Variants in NRXN3 observed in about 807,000 individuals in gnomAD.
The protein encoded by NRXN3 is neurexin 3.
Under a neutral mutation model 137.6 loss-of-function variants are expected in NRXN3, and 32 were observed. The ratio of observed to expected loss-of-function variants is 0.23; its 90% confidence interval spans 0.18 to 0.31. The LOEUF (loss-of-function observed/expected upper bound fraction) is 0.31, where lower values mean the gene tolerates loss of function less well. Among genes scored for constraint, NRXN3 ranks in the 10% least tolerant of loss-of-function variants. The pLI is 1.00. For missense variants in NRXN3, 1,574 were observed against 2,062.5 expected (o/e 0.76, Z 4.59); for synonymous variants, 798 against 784.5 (o/e 1.02, Z -0.29).
At chr14:78,831,091 T>C (rs2098980267) in intron 10 of NRXN3, among the ~76,000 whole-genome samples, 2 of 152,198 alleles carry the variant, frequency 1.3e-5, no homozygotes, top group African/African-American at 4.8e-5. Context: ...AGTGACTTGC[T>C]ACATTCTTAT....
intron 16 of NRXN3, among the ~76,000 whole-genome samples, chr14:79,638,700 T>C (rs1351594659): frequency 6.6e-6 from 1 of 152,204 alleles, no homozygotes; most frequent in Non-Finnish European, 1.5e-5. Flanking sequence ...TATCAATGAC[T>C]CTTAAAATCA....
intron 1 of NRXN3, among the ~76,000 whole-genome samples, chr14:78,241,045 C>T (rs758125608): frequency 7.2e-5 from 11 of 152,136 alleles, no homozygotes; most frequent in Non-Finnish European, 1.6e-4. Context: ...AACCAGACTG[C>T]GTGCTGGTGC....
chr14:79,034,590 T>C lies in NRXN3; in HGVS notation c.3262+46449T>C, dbSNP rs188843238. 1.3e-3 allele frequency among the ~76,000 whole-genome samples: 205 copies of C among 152,174 alleles called. 1 individual carries two copies. The Middle Eastern group carries it at 0.014, about 10-fold the overall frequency. On this transcript the variant is annotated intron_variant, in intron 15 of 20. Coordinates refer to ENST00000335750, the MANE Select transcript of NRXN3 (RefSeq NM_001330195.2). Reference sequence around the variant, plus strand: ...AGAAAGACTGAAAGCAGGTGTAAAATCTAAAGTACTAGGAAAAACAAGGTG... The same window carrying C: ...AGAAAGACTGAAAGCAGGTGTAAAACCTAAAGTACTAGGAAAAACAAGGTG...
At chr14:79,196,673 C>A (rs1373316212) in intron 15 of NRXN3, among the ~76,000 whole-genome samples, 1 of 150,814 alleles carries the variant, frequency 6.6e-6, no homozygotes, top group African/African-American at 2.4e-5. Flanking sequence ...ATTTTTTTTT[C>A]CTTTTCAGTG....
At chr14:79,640,802 T>C (rs908220992) in intron 16 of NRXN3, among the ~76,000 whole-genome samples, 1 of 135,220 alleles carries the variant, frequency 7.4e-6, no homozygotes, top group East Asian at 2.0e-4. Context: ...ATTATCCTGA[T>C]GTAAAGGAAA....
intron 6 of NRXN3, among the ~76,000 whole-genome samples, chr14:78,685,674 C>T (rs1222945050): frequency 1.3e-5 from 2 of 149,078 alleles, no homozygotes; most frequent in Non-Finnish European, 3.0e-5. Flanking sequence ...CTCTTGTTGC[C>T]CAGGATGGAG....
intron 6 of NRXN3, among the ~76,000 whole-genome samples, chr14:78,652,220 G>T (rs1364145028): frequency 6.6e-6 from 1 of 152,182 alleles, no homozygotes; most frequent in African/African-American, 2.4e-5. Flanking sequence ...TGACATTAAG[G>T]CTCAGAAGAC....
rs760646262 is a variant in NRXN3 at position 78,967,349 on chromosome 14, C to T, written c.2919C>T (p.Thr973=). The T allele has an allele frequency of 6.2e-7, 1 of 1,613,858 alleles. No individual in the cohort carries two copies. Among genetic ancestry groups the T allele is most frequent in the South Asian group, 1.1e-5 (1 of 91,068 alleles). The change falls in exon 13 of 21, where the codon ACC becomes ACT. Residue 973 remains threonine (T), a synonymous_variant. Coordinates refer to ENST00000335750, the MANE Select transcript of NRXN3 (RefSeq NM_001330195.2). ...ACACTCATAGCCTGAAAGTGGACAC[C>T]AAAGTGGTCACTCAGGTTATCAATG... ...NSNTHSLKVD[T]KVVTQVINGA...
In NRXN3 at chr14:78,967,331, T is replaced by C. The variant is rs761459841; in HGVS notation, c.2901T>C (p.His967=). The change falls in exon 13 of 21, where the codon CAT becomes CAC. Residue 967 remains histidine, a synonymous_variant. Coordinates refer to ENST00000335750, the MANE Select transcript of NRXN3 (RefSeq NM_001330195.2). ...TCACTCGGGACAATAGTAACACTCA[T>C]AGCCTGAAAGTGGACACCAAAGTGG... ...VVITRDNSNT[H]SLKVDTKVVT... 8 of 1,613,938 alleles carry C rather than the reference T, an allele frequency of 5.0e-6. No individual in the cohort carries two copies. Among genetic ancestry groups the C allele is most frequent in the East Asian group, 4.5e-5 (2 of 44,882 alleles).
chr14:78,484,027 C>CAG (rs144035954), intron 4 of NRXN3, among the ~76,000 whole-genome samples: 174 of 137,134 alleles, frequency 1.3e-3, no homozygotes, highest in African/African-American at 3.0e-3. Flanking sequence ...CACACACACA[C>CAG]AGAGAGAGAG....
chr14:78,955,241 G>GT (rs1480194205), intron 10 of NRXN3, among the ~76,000 whole-genome samples: 1 of 152,132 alleles, frequency 6.6e-6, no homozygotes, highest in Non-Finnish European at 1.5e-5. Context: ...AGACAGATTT[G>GT]TTTTTTCTGA....
chr14:78,671,418 G>T (rs145694320), intron 6 of NRXN3, among the ~76,000 whole-genome samples: 4 of 152,254 alleles, frequency 2.6e-5, no homozygotes, highest in African/African-American at 9.6e-5. Context: ...TTTTAAAAAT[G>T]TATTTATTAA....
intron 9 of NRXN3, among the ~76,000 whole-genome samples, chr14:78,805,616 A>G (rs2098860657): frequency 2.0e-5 from 3 of 147,606 alleles, no homozygotes; most frequent in African/African-American, 5.3e-5. Flanking sequence ...AAAAAAAAAC[A>G]GAACCAAATA....
chr14:78,563,675 C>T (rs2096808955), intron 4 of NRXN3, among the ~76,000 whole-genome samples: 1 of 152,182 alleles, frequency 6.6e-6, no homozygotes, highest in African/African-American at 2.4e-5. Flanking sequence ...GTGTCTAGCC[C>T]ATCCACCTTC....
chr14:78,848,540 T>C lies in NRXN3; in HGVS notation c.2275+38196T>C, dbSNP rs114639375. On this transcript the variant is annotated intron_variant, in intron 10 of 20. Transcript: ENST00000335750. ...AATTAGTTGGAGAGTTTTAGAATAC[T>C]TTATTTATTCCAGCTTGTACATGAA... is the stretch of plus-strand genomic sequence containing the variant. Among the ~76,000 whole-genome samples, 887 of 152,294 alleles carry C rather than the reference T, an allele frequency of 5.8e-3. 7 individuals carry two copies. Among genetic ancestry groups the C allele is most frequent in the African/African-American group, 0.02 (852 of 41,568 alleles).
intron 4 of NRXN3, among the ~76,000 whole-genome samples, chr14:78,464,109 A>G (rs907822085): frequency 1.3e-5 from 2 of 148,436 alleles, no homozygotes; most frequent in African/African-American, 2.5e-5. Context: ...CTGGAGTGCA[A>G]TGGTATGATC....
At chr14:79,600,938 G>A (rs963090865) in intron 16 of NRXN3, among the ~76,000 whole-genome samples, 1 of 151,558 alleles carries the variant, frequency 6.6e-6, no homozygotes, top group African/African-American at 2.4e-5. Flanking sequence ...AGAAAGGGAA[G>A]GAAGGAAGGA....
At chr14:78,766,981 T>C (rs1314180538) in intron 8 of NRXN3, among the ~76,000 whole-genome samples, 1 of 152,222 alleles carries the variant, frequency 6.6e-6, no homozygotes, top group Non-Finnish European at 1.5e-5. Context: ...TAATTCCCTA[T>C]GCTAGTTTTC....
At chr14:79,644,202 G>A (rs1418371845) in intron 16 of NRXN3, among the ~76,000 whole-genome samples, 1 of 135,994 alleles carries the variant, frequency 7.4e-6, no homozygotes, top group African/African-American at 2.4e-5. Context: ...TTTATCTGAT[G>A]TGTAATGGCT....
Sources: allele counts gnomAD v4.1 joint callset (sites outside exome capture counted in the v4.1 genomes callset), GRCh38; gene constraint gnomAD v4.1.1; transcripts MANE v1.5; gene names NCBI Gene and HGNC (gene_info 2026-07-23, HGNC 2026-07-21).